The following ANKRD30B variants were observed in gnomAD, a reference collection of about 807,000 sequenced individuals.
The protein encoded by ANKRD30B is ankyrin repeat domain-containing protein 30B.
Under a neutral mutation model 202.2 loss-of-function variants are expected in ANKRD30B, and 144 were observed. That is an observed-to-expected ratio of 0.71 (90% CI 0.62 to 0.82). ANKRD30B has a LOEUF of 0.82. Among genes scored for constraint, ANKRD30B ranks in the 40% least tolerant of loss-of-function variants. The pLI is 0.00. For missense variants in ANKRD30B, 1,487 were observed against 1,669.1 expected (o/e 0.89, Z 1.90); for synonymous variants, 508 against 561.3 (o/e 0.91, Z 1.34).
At chr18:14,823,998 C>A (rs186528469) in intron 32 of ANKRD30B, among the ~76,000 whole-genome samples, 11 of 152,248 alleles carry the variant, frequency 7.2e-5, no homozygotes, top group Non-Finnish European at 1.0e-4. Flanking sequence ...ACAAACAAAA[C>A]CCCAGAAATT....
At chr18:14,896,729 T>C in the ANKRD30B span, among the ~76,000 whole-genome samples, 1 of 140,396 alleles carries the variant, frequency 7.1e-6, no homozygotes, top group Admixed American at 7.1e-5. Flanking sequence ...ACTTTGGAGA[T>C]TGTAGGCTAC....
At chr18:14,787,977 T>C (rs1465211978) in intron 15 of ANKRD30B, among the ~76,000 whole-genome samples, 1 of 152,232 alleles carries the variant, frequency 6.6e-6, no homozygotes, top group African/African-American at 2.4e-5. Flanking sequence ...TCAAGCACTT[T>C]TTCTATCATC....
chr18:14,785,226 T>A (rs1393117152), intron 14 of ANKRD30B, among the ~76,000 whole-genome samples: 1 of 152,236 alleles, frequency 6.6e-6, no homozygotes, highest in Non-Finnish European at 1.5e-5. Flanking sequence ...GTTTAAATAT[T>A]TTACAACGTG....
At chr18:14,908,657 T>C in the ANKRD30B span, among the ~76,000 whole-genome samples, 1 of 152,184 alleles carries the variant, frequency 6.6e-6, no homozygotes, top group Non-Finnish European at 1.5e-5. Context: ...CCTTTTAGTG[T>C]CTGTGTCTTT....
chr18:14,926,809 C>T, the ANKRD30B span, among the ~76,000 whole-genome samples: 1 of 152,012 alleles, frequency 6.6e-6, no homozygotes, highest in Non-Finnish European at 1.5e-5. Flanking sequence ...AGCCTATAGT[C>T]TTAGCTGCTT....
the ANKRD30B span, among the ~76,000 whole-genome samples, chr18:14,878,247 C>T: frequency 6.6e-6 from 1 of 152,126 alleles, no homozygotes; most frequent in Admixed American, 6.5e-5. Flanking sequence ...TGAAACATGA[C>T]GTCCATATGG....
At chr18:14,839,087 C>T (rs1484216813) in intron 36 of ANKRD30B, among the ~76,000 whole-genome samples, 2 of 152,092 alleles carry the variant, frequency 1.3e-5, no homozygotes, top group Non-Finnish European at 2.9e-5. Flanking sequence ...ATGTTTTGAC[C>T]TGGAGTAATT....
intron 42 of ANKRD30B, among the ~76,000 whole-genome samples, 146 bp from the exon 43 acceptor site, chr18:14,853,663 T>C (rs1345420980): frequency 6.6e-6 from 1 of 152,160 alleles, no homozygotes; most frequent in Non-Finnish European, 1.5e-5. Context: ...TTACACCTTC[T>C]TGTGTCCTTA....
At chr18:14,839,201 A>T (rs572442585) in intron 36 of ANKRD30B, among the ~76,000 whole-genome samples, 1 of 152,370 alleles carries the variant, frequency 6.6e-6, no homozygotes, top group East Asian at 1.9e-4. Context: ...AAAAACACTT[A>T]TAAATTACTG....
intron 30 of ANKRD30B, among the ~76,000 whole-genome samples, chr18:14,815,543 A>T (rs1970045222): frequency 6.6e-6 from 1 of 152,084 alleles, no homozygotes; most frequent in Non-Finnish European, 1.5e-5. Context: ...GAGGCCTTTC[A>T]TGGGAGAAAT....
intron 30 of ANKRD30B, among the ~76,000 whole-genome samples, chr18:14,819,375 C>A (rs1306684425): frequency 6.6e-6 from 1 of 150,948 alleles, no homozygotes; most frequent in East Asian, 1.9e-4. Flanking sequence ...AATTAGATCC[C>A]ATTTGTCAAT....
chr18:14,828,079 CT>C (rs1324817733), intron 32 of ANKRD30B, among the ~76,000 whole-genome samples, 198 bp from the exon 33 acceptor site: 2 of 152,126 alleles, frequency 1.3e-5, no homozygotes, highest in Non-Finnish European at 2.9e-5. Context: ...GTGCGTGATT[CT>C]TTTAAGTTAA....
At chr18:14,755,760 T>C (rs1314748973) in intron 4 of ANKRD30B, among the ~76,000 whole-genome samples, 1 of 152,190 alleles carries the variant, frequency 6.6e-6, no homozygotes, top group African/African-American at 2.4e-5. Flanking sequence ...TGCATAGTAT[T>C]CCATGGTGTA....
chr18:14,756,092 CATTCTAACT>C (rs1382355698), intron 4 of ANKRD30B, among the ~76,000 whole-genome samples: 3 of 152,140 alleles, frequency 2.0e-5, no homozygotes, highest in African/African-American at 7.2e-5. Flanking sequence ...TAATGATCGC[CATTCTAACT>C]AGTGTGAGAT....
intron 26 of ANKRD30B, among the ~76,000 whole-genome samples, 173 bp downstream of exon 26, chr18:14,808,917 A>G (rs1235455668): frequency 6.6e-6 from 1 of 150,954 alleles, no homozygotes; most frequent in Admixed American, 6.6e-5. Flanking sequence ...TAGAAGCATA[A>G]GATTTAGAGA....
In ANKRD30B at chr18:14,779,940, T is replaced by A. The variant is rs1967615058; in HGVS notation, c.1421-20T>A. On this transcript the variant is annotated intron_variant, in intron 10 of 43. Transcript: ENST00000690538. ...AATAAGGAATGCTCTCATGAATGTA[T>A]CTGTGATTAACATTTTTAGATCAGA... The A allele has an allele frequency of 2.0e-6, 3 of 1,528,982 alleles. No individual in the cohort carries two copies. Among genetic ancestry groups the A allele is most frequent in the Non-Finnish European group, 1.8e-6 (2 of 1,107,280 alleles). The allele number at this position is 1,528,982 out of a possible 1,614,324, so 94.7% of individuals were successfully genotyped here. A position where few individuals can be genotyped will look rare whatever the true frequency, so the allele number is the denominator to read the frequency against.
the ANKRD30B span, among the ~76,000 whole-genome samples, chr18:14,901,879 G>C: frequency 1.3e-5 from 2 of 152,116 alleles, no homozygotes; most frequent in African/African-American, 4.8e-5. Flanking sequence ...GGCCTGATAC[G>C]TTGTCTACAT....
the ANKRD30B span, among the ~76,000 whole-genome samples, chr18:14,873,756 C>T: frequency 6.6e-6 from 1 of 152,020 alleles, no homozygotes; most frequent in African/African-American, 2.4e-5. Context: ...TTATTAATAG[C>T]ATTAGGCGAG....
the ANKRD30B span, among the ~76,000 whole-genome samples, chr18:14,871,571 A>C: frequency 6.6e-6 from 1 of 151,662 alleles, no homozygotes; most frequent in Admixed American, 6.6e-5. Flanking sequence ...TCAGGGGCAG[A>C]TGCTGAGATG....
Sources: gnomAD v4.1 joint callset for allele counts (sites outside exome capture counted in the v4.1 genomes callset) on GRCh38, gnomAD v4.1.1 for gene constraint, MANE v1.5 for transcripts, NCBI Gene and HGNC (gene_info 2026-07-23, HGNC 2026-07-21) for gene names.